The following SUPT6H variants were observed in gnomAD, a reference collection of about 807,000 sequenced individuals.
SUPT6H encodes transcription elongation factor SPT6.
Under a neutral mutation model 222.3 loss-of-function variants are expected in SUPT6H, and 11 were observed. The ratio of observed to expected loss-of-function variants is 0.05; its 90% CI spans 0.03 to 0.08. SUPT6H has a LOEUF of 0.08. Among genes scored for constraint, SUPT6H ranks in the 10% least tolerant of loss-of-function variants. The pLI is 1.00. For synonymous variants in SUPT6H, 762 were observed against 801.2 expected (o/e 0.95, Z 0.83); for missense variants, 1,422 against 2,216.0 (o/e 0.64, Z 7.19).
intron 19 of SUPT6H, 148 bp from the exon 20 acceptor site, chr17:28,686,191 G>A (rs1192841971): frequency 2.9e-6 from 2 of 682,922 alleles, no homozygotes; most frequent in Non-Finnish European, 4.9e-6. Context: ...CTTTCAGGAA[G>A]AGGTGGGAAT....
intron 25 of SUPT6H, 27 bp downstream of exon 25, chr17:28,689,588 A>G (rs1037881327): frequency 6.2e-7 from 1 of 1,611,000 alleles, no homozygotes; most frequent in Non-Finnish European, 8.5e-7. Flanking sequence ...AAGGCCCGGC[A>G]GGAGAACCCA....
At chr17:28,668,959 C>T (rs1387859904) in intron 1 of SUPT6H, among the ~76,000 whole-genome samples, 1 of 152,172 alleles carries the variant, frequency 6.6e-6, no homozygotes, top group African/African-American at 2.4e-5. Context: ...AACCCCTAGG[C>T]TTACTATACC....
Position 28,674,270 on chromosome 17 carries a change from G to A in SUPT6H, c.110-13G>A. 1 of 1,613,984 alleles carries A rather than the reference G, an allele frequency of 6.2e-7. No individual in the cohort carries two copies. Among genetic ancestry groups the A allele is most frequent in the Non-Finnish European group, 8.5e-7 (1 of 1,180,006 alleles). Reference sequence around the variant, plus strand: ...TTTTCAGTCTCCATGCCTCAAACATGCATGTCTTCCAGATGAGGAGGAGGA... The same window carrying A: ...TTTTCAGTCTCCATGCCTCAAACATACATGTCTTCCAGATGAGGAGGAGGA... On this transcript the variant is annotated splice_polypyrimidine_tract_variant and intron_variant, in intron 2 of 36. Coordinates refer to ENST00000314616, the MANE Select transcript of SUPT6H (RefSeq NM_003170.5).
intron 28 of SUPT6H, among the ~76,000 whole-genome samples, chr17:28,694,574 A>G (rs745769149): frequency 3.3e-5 from 5 of 152,242 alleles, no homozygotes; most frequent in Non-Finnish European, 7.3e-5. Context: ...TAGTTCTAAT[A>G]AGTGAAGCTG....
At chr17:28,686,826 C>T in intron 21 of SUPT6H, 37 bp downstream of exon 21, 3 of 1,556,836 alleles carry the variant, frequency 1.9e-6, no homozygotes, top group Non-Finnish European at 2.6e-6. Context: ...CCTGCCCAGG[C>T]AAGTGCTATT....
In SUPT6H at chr17:28,674,404, T is replaced by C; in HGVS notation, c.231T>C (p.Asp77=). 6.2e-7 allele frequency: 1 copy of C among 1,613,718 alleles called. No individual in the cohort carries two copies. The highest frequency in any genetic ancestry group is 8.5e-7 in the Non-Finnish European group (1 of 1,179,794). Residue 77 remains aspartate (D), a synonymous_variant, in exon 3 of 37, where the codon GAT becomes GAC. Transcript: ENST00000314616. ...AGGATGAGGGCAGTGACTCTGGTGA[T>C]TCAGAAGATGATGTTGGCCACAAGA... The part of the protein sequence containing the change: ...GEEDEGSDSG[D]SEDDVGHKKR...
intron 1 of SUPT6H, among the ~76,000 whole-genome samples, chr17:28,668,340 C>A (rs2030212646): frequency 6.6e-6 from 1 of 152,154 alleles, no homozygotes; most frequent in Admixed American, 6.5e-5. Flanking sequence ...ACATTAGTGT[C>A]TTTATTCTAG....
At chr17:28,669,768 C>G (rs1319683322) in intron 1 of SUPT6H, among the ~76,000 whole-genome samples, 1 of 152,124 alleles carries the variant, frequency 6.6e-6, no homozygotes, top group Non-Finnish European at 1.5e-5. Flanking sequence ...AACCCCATCT[C>G]TACTAAAAAA....
At chr17:28,697,876 C>G (rs951273188) in intron 31 of SUPT6H, 30 bp from the exon 32 acceptor site, 3 of 1,611,822 alleles carry the variant, frequency 1.9e-6, no homozygotes, top group Non-Finnish European at 1.7e-6. Context: ...ATGCTGCTAT[C>G]CCAACCTCTC....
At chr17:28,663,905 A>T (rs2072118045) in intron 1 of SUPT6H, among the ~76,000 whole-genome samples, 1 of 129,464 alleles carries the variant, frequency 7.7e-6, no homozygotes, top group African/African-American at 3.0e-5. Context: ...ATCATAGCTC[A>T]CTGCCACCTG....
chr17:28,695,182 C>CA, intron 28 of SUPT6H, 170 bp from the exon 29 acceptor site: 1 of 658,704 alleles, frequency 1.5e-6, no homozygotes, highest in Admixed American at 2.9e-5. Context: ...AGTCTACAGA[C>CA]AAGATTCCAC....
intron 1 of SUPT6H, among the ~76,000 whole-genome samples, chr17:28,667,433 ATATG>A (rs1555546925): frequency 7.4e-6 from 1 of 134,918 alleles, no homozygotes; most frequent in Non-Finnish European, 1.6e-5. Flanking sequence ...ATATATATAT[ATATG>A]TATGTGTGTG....
Position 28,680,649 on chromosome 17 carries a change from T to G in SUPT6H, c.1350-607T>G, listed in dbSNP as rs1029485636. On this transcript the variant is annotated intron_variant, in intron 11 of 36. Coordinates refer to ENST00000314616, the MANE Select transcript of SUPT6H (RefSeq NM_003170.5). ...AGGGCTATCATGTGTCTTGGTTTTG[T>G]TTTTGTTTTTGTTTTTGTTTTGAGA... Among the ~76,000 whole-genome samples the G allele has an allele frequency of 2.6e-5, 4 of 152,068 alleles. No homozygotes were observed. In the South Asian group the frequency reaches 6.2e-4, roughly 24 times the overall value.
At chr17:28,674,786 T>C in intron 4 of SUPT6H, 173 bp downstream of exon 4, 1 of 924,518 alleles carries the variant, frequency 1.1e-6, no homozygotes, top group Non-Finnish European at 1.6e-6. Flanking sequence ...GGGTGCCTGT[T>C]AGAGAAAGTC....
Position 28,688,213 on chromosome 17 carries a change from G to A in SUPT6H, c.3129G>A (p.Gly1043=), listed in dbSNP as rs1315193139. Residue 1043 remains glycine (G), a synonymous_variant, in exon 24 of 37, where the codon GGG becomes GGA. Transcript: ENST00000314616. The surrounding 1 kb of genome is among the most constrained non-coding windows in gnomAD (Gnocchi z 4.3). ...GFLKIDTASL[G]DSTDSYIEVL... ...TCAAGATCGACACGGCCTCCCTGGG[G>A]GACAGGTGATGCCCTCTGCCTGGAT... 1 of 1,613,048 alleles carries A rather than the reference G, an allele frequency of 6.2e-7. No homozygotes were observed.
At position 28,674,365 on chromosome 17, in the gene SUPT6H, AGAT is replaced by A; in HGVS notation, c.195_197del (p.Asp65del). On this transcript the variant is annotated inframe_deletion, in exon 3 of 37. Transcript: ENST00000314616. ...GCTTTATCAATGACGATGATGATGA[AGAT>A]GAAGGGGAGGAGGATGAGGGCAGTG... 6.2e-7 allele frequency: 1 copy of A among 1,614,028 alleles called. No individual in the cohort carries two copies. The highest frequency in any genetic ancestry group is 1.3e-5 in the African/African-American group (1 of 74,974).
intron 12 of SUPT6H, 43 bp downstream of exon 12, chr17:28,681,447 C>T (rs375464989): frequency 2.6e-6 from 4 of 1,547,708 alleles, no homozygotes; most frequent in African/African-American, 2.8e-5. Context: ...GATGGCCATG[C>T]ATGATGGCTC....
At chr17:28,689,059 TAC>T (rs1339645906) in intron 24 of SUPT6H, 6 of 333,672 alleles carry the variant, frequency 1.8e-5, no homozygotes, top group Non-Finnish European at 1.7e-5. Context: ...TTATGTATAC[TAC>T]AGTTTTTCTA....
Position 28,674,455 on chromosome 17 carries a change from C to T in SUPT6H, c.268+14C>T, listed in dbSNP as rs761221450. On this transcript the variant is annotated intron_variant, in intron 3 of 36. Coordinates refer to ENST00000314616, the MANE Select transcript of SUPT6H (RefSeq NM_003170.5). ...AGAGAAAACGCAGTGAGTAGTCTGT[C>T]GTTGGCTCAAGTGAGGCTTGGGTGG... The T allele has an allele frequency of 2.5e-6, 4 of 1,614,080 alleles. No individual in the cohort carries two copies. Among genetic ancestry groups the T allele is most frequent in the East Asian group, 2.2e-5 (1 of 44,882 alleles).
Sources: gnomAD v4.1 joint callset for allele counts (sites outside exome capture counted in the v4.1 genomes callset) on GRCh38, gnomAD v4.1.1 for gene constraint, Gnocchi (gnomAD v3.1) non-coding constraint, MANE v1.5 for transcripts, NCBI Gene and HGNC (gene_info 2026-07-23, HGNC 2026-07-21) for gene names.